Variants in ADRA1A observed in about 807,000 individuals in gnomAD.
ADRA1A encodes adrenoceptor alpha 1A, also known as alpha-1A adrenergic receptor.
In ADRA1A, 31 loss-of-function variants were observed where a neutral mutation model predicts 29.6. The observed-to-expected ratio is 1.05, with a 90% CI of 0.79 to 1.41. The LOEUF is 1.41. Among genes scored for constraint, ADRA1A ranks in the 40% most tolerant of loss-of-function variants. The probability of loss-of-function intolerance (pLI) is 0.00; values close to 1 mark genes in which losing one functional copy is unlikely to be tolerated. For missense variants in ADRA1A, 619 were observed against 601.1 expected (o/e 1.03, Z -0.31); for synonymous variants, 311 against 254.3 (o/e 1.22, Z -2.12).
intron 2 of ADRA1A, among the ~76,000 whole-genome samples, chr8:26,799,364 C>T (rs114050178): frequency 0.017 from 2,635 of 152,194 alleles, 68 homozygotes; most frequent in African/African-American, 0.057. Flanking sequence ...GAGGTTGTCA[C>T]CCAGGGAAAC....
At chr8:26,829,972 G>A (rs1478105551) in intron 2 of ADRA1A, among the ~76,000 whole-genome samples, 1 of 148,414 alleles carries the variant, frequency 6.7e-6, no homozygotes, top group Non-Finnish European at 1.5e-5. Context: ...GGGTGGGGGT[G>A]GGTGGGGAAG....
chr8:26,812,976 T>G (rs1331483765), intron 2 of ADRA1A, among the ~76,000 whole-genome samples: 1 of 147,038 alleles, frequency 6.8e-6, no homozygotes, highest in Non-Finnish European at 1.5e-5. Flanking sequence ...TGCCTTTTTA[T>G]AATACATTTA....
chr8:26,835,994 GA>G (rs1811327350), intron 2 of ADRA1A: 1 of 166,846 alleles, frequency 6.0e-6, no homozygotes, highest in African/African-American at 2.4e-5. Context: ...ATCTTTCCAG[GA>G]AATGTGCCTT....
At position 26,866,795 on chromosome 8, in the gene ADRA1A, G is replaced by T; in HGVS notation, c.-687+141C>A. 3 of 739,462 alleles carry T rather than the reference G, an allele frequency of 4.1e-6. No homozygotes were observed. The highest frequency in any genetic ancestry group is 5.0e-6 in the Non-Finnish European group (3 of 604,416). The allele number at this position is 739,462 out of a possible 1,614,324, so 45.8% of individuals were successfully genotyped here. ...CGCAGAAGATGTAAGGGAATCGGGG[G>T]TGGGGTAGAGGGGCCGGTATAAAAC... On this transcript the variant is annotated intron_variant, in intron 1 of 2. Transcript: ENST00000380573. The surrounding 1 kb of genome is among the most constrained non-coding windows in gnomAD (Gnocchi z 5.7).
chr8:26,760,508 G>A (rs1778160199), intron 2 of ADRA1A, among the ~76,000 whole-genome samples: 1 of 152,140 alleles, frequency 6.6e-6, no homozygotes, highest in Non-Finnish European at 1.5e-5. Context: ...AAAACTACAT[G>A]AGGCTCCTTG....
intron 2 of ADRA1A, chr8:26,757,146 A>C: frequency 1.4e-6 from 1 of 702,364 alleles, no homozygotes; most frequent in Non-Finnish European, 2.6e-6. Context: ...GACTGTGTTT[A>C]TATAAAGCAG....
chr8:26,852,089 T>C (rs1489593372), intron 2 of ADRA1A, among the ~76,000 whole-genome samples: 1 of 152,156 alleles, frequency 6.6e-6, no homozygotes, highest in African/African-American at 2.4e-5. Flanking sequence ...AAGTGGGAGA[T>C]AAAATTACCA....
intron 2 of ADRA1A, among the ~76,000 whole-genome samples, chr8:26,818,167 G>A (rs993490862): frequency 6.6e-6 from 1 of 152,190 alleles, no homozygotes; most frequent in African/African-American, 2.4e-5. Context: ...CCAAGGATGG[G>A]GGTGGACAGA....
downstream of ADRA1A, among the ~76,000 whole-genome samples, chr8:26,761,365 C>A (rs1489035694): frequency 6.6e-6 from 1 of 152,132 alleles, no homozygotes; most frequent in Non-Finnish European, 1.5e-5. Flanking sequence ...TCCTTGTGGG[C>A]TCAAATGAGT....
rs748400751 is a variant in ADRA1A, at chr8:26,864,756, C to T, written c.214G>A (p.Asp72Asn). ...AGCACCGTGGAGGTGAGCAGGAGGT[C>T]GGCCACCGCCAGGTTGACGATGTAG... ...HYYIVNLAVA[D>N]LLLTSTVLPF... is the part of the protein sequence containing the mutation. Residue 72 changes from aspartate to asparagine, a missense_variant, in exon 2 of 3, where the codon GAC (aspartate) becomes AAC (asparagine). Transcript: ENST00000380573. This position sits in a 1 kb window ranked among gnomAD's most constrained non-coding sequence, Gnocchi z 8.1. The T allele has an allele frequency of 1.9e-6, 3 of 1,613,984 alleles. No individual in the cohort carries two copies. Among genetic ancestry groups the T allele is most frequent in the African/African-American group, 1.3e-5 (1 of 74,914 alleles).
intron 2 of ADRA1A, among the ~76,000 whole-genome samples, chr8:26,844,914 T>G (rs1563301484): frequency 6.6e-6 from 1 of 152,146 alleles, no homozygotes; most frequent in Admixed American, 6.5e-5. Context: ...AAACTAACAA[T>G]AGCTGATGAG....
intron 2 of ADRA1A, among the ~76,000 whole-genome samples, chr8:26,791,934 A>G (rs1807865162): frequency 6.6e-6 from 1 of 152,168 alleles, no homozygotes; most frequent in Non-Finnish European, 1.5e-5. Context: ...TCCCTATCAC[A>G]TCAGCCCACT....
At chr8:26,778,301 T>A (rs956715825) in intron 2 of ADRA1A, among the ~76,000 whole-genome samples, 19 of 152,112 alleles carry the variant, frequency 1.2e-4, no homozygotes, top group Non-Finnish European at 2.4e-4. Flanking sequence ...AATAAATAAT[T>A]TGATTTGAAA....
At chr8:26,753,253 A>T (rs929428263), downstream of ADRA1A, among the ~76,000 whole-genome samples, 1 of 152,126 alleles carries the variant, frequency 6.6e-6, no homozygotes, top group Non-Finnish European at 1.5e-5. Flanking sequence ...GGCTATGGGT[A>T]ACTTAATATG....
intron 2 of ADRA1A, among the ~76,000 whole-genome samples, chr8:26,797,987 C>CTTT (rs35607881): frequency 6.7e-6 from 1 of 148,484 alleles, no homozygotes; most frequent in Admixed American, 6.7e-5. Context: ...GTAAGTTAGT[C>CTTT]TTTTTTTTTT....
intron 2 of ADRA1A, among the ~76,000 whole-genome samples, chr8:26,802,233 A>C (rs1012555471): frequency 1.3e-5 from 2 of 152,226 alleles, no homozygotes; most frequent in Admixed American, 1.3e-4. Context: ...ATGGGATCAC[A>C]TCAAGTTAAC....
Position 26,865,788 on chromosome 8 carries a change from G to T in ADRA1A, c.-686-133C>A, listed in dbSNP as rs1298497800. On this transcript the variant is annotated intron_variant, in intron 1 of 2. Transcript: ENST00000380573. The surrounding 1 kb of genome is among the most constrained non-coding windows in gnomAD (Gnocchi z 7.6). The stretch of plus-strand genomic sequence containing the variant: ...TGCGGTCCAGAAGCTGCTTCGCCCG[G>T]CAGCGGTGGAGGCGACTTCGGAGCT... 2.2e-6 allele frequency: 2 copies of T among 891,098 alleles called. No homozygotes were observed. The highest frequency in any genetic ancestry group is 2.4e-4 in the East Asian group (2 of 8,356). The allele number at this position is 891,098 out of a possible 1,614,324, so 55.2% of individuals were successfully genotyped here. A position where few individuals can be genotyped will look rare whatever the true frequency, so the allele number is the denominator to read the frequency against.
Position 26,770,380 on chromosome 8 carries a change from C to CG in ADRA1A, c.1169_1170insC (p.Lys390AsnfsTer7), listed in dbSNP as rs1806050183. 6.2e-7 allele frequency: 1 copy of CG among 1,614,098 alleles called. No homozygotes were observed. Among genetic ancestry groups the CG allele is most frequent in the Admixed American group, 1.7e-5 (1 of 60,014 alleles). ...ATTTCCATTCACAAACGCCATCCGT[C>CG]TTGGAGATCCTGTAGAAGGTCTCTC... is the stretch of plus-strand genomic sequence containing the variant. On this transcript the variant is annotated frameshift_variant, in exon 3 of 3. Coordinates refer to ENST00000380573, the MANE Select transcript of ADRA1A (RefSeq NM_000680.4). LOFTEE classifies it high-confidence loss of function.
In ADRA1A at chr8:26,823,472, T is replaced by C. The variant is rs1563281629; in HGVS notation, c.883+40615A>G. On this transcript the variant is annotated intron_variant, in intron 2 of 2. Transcript: ENST00000380573. The surrounding 1 kb of genome is among the most constrained non-coding windows in gnomAD (Gnocchi z 4.2). ...AGCTAGAGAAAGCAGAGGTGTTTCA[T>C]TGACAGGTAATTATTGTTCTCTCAT... Among the ~76,000 whole-genome samples the C allele has an allele frequency of 1.3e-5, 2 of 152,224 alleles. No individual in the cohort carries two copies. Among genetic ancestry groups the C allele is most frequent in the Admixed American group, 6.5e-5 (1 of 15,282 alleles).
Sources: allele counts gnomAD v4.1 joint callset (sites outside exome capture counted in the v4.1 genomes callset), GRCh38; gene constraint gnomAD v4.1.1; non-coding constraint Gnocchi (gnomAD v3.1); transcripts MANE v1.5; gene names NCBI Gene and HGNC (gene_info 2026-07-23, HGNC 2026-07-21).